The following ERC2 variants were observed in gnomAD, a reference collection of about 807,000 sequenced individuals.
The protein encoded by ERC2 is ERC protein 2.
A neutral mutation model predicts 114.8 loss-of-function variants in ERC2; 42 were observed. The ratio of observed to expected loss-of-function variants is 0.37; its 90% CI spans 0.29 to 0.47. The LOEUF (loss-of-function observed/expected upper bound fraction) is 0.47, where lower values mean the gene tolerates loss of function less well. Among genes scored for constraint, ERC2 ranks in the 20% least tolerant of loss-of-function variants. The pLI, the probability that ERC2 is intolerant of heterozygous loss-of-function variation, is 0.99. For missense variants in ERC2, 939 were observed against 1,150.7 expected, an observed-to-expected ratio of 0.82 and a Z score of 2.66; for synonymous variants, 454 against 425.5, an observed-to-expected ratio of 1.07 and a Z score of -0.82.
At chr3:56,096,504 T>G (rs1331348150) in intron 6 of ERC2, among the ~76,000 whole-genome samples, 1 of 152,056 alleles carries the variant, frequency 6.6e-6, no homozygotes, top group East Asian at 1.9e-4. Context: ...GAGAATGTGG[T>G]ATGAAGCAAA....
chr3:55,552,345 T>A (rs17263672), intron 17 of ERC2, among the ~76,000 whole-genome samples: 4,053 of 152,168 alleles, frequency 0.027, 75 homozygotes, highest in South Asian at 0.072. Flanking sequence ...GGCCATACAT[T>A]GTTTTCATTT....
intron 17 of ERC2, among the ~76,000 whole-genome samples, chr3:55,644,223 C>A (rs1361223582): frequency 2.0e-5 from 3 of 152,252 alleles, no homozygotes; most frequent in African/African-American, 7.2e-5. Context: ...AATAGTCGCA[C>A]TCTCTTCAAC....
intron 2 of ERC2, among the ~76,000 whole-genome samples, chr3:56,399,154 A>ATTGAATT (rs1345337246): frequency 1.3e-5 from 2 of 152,234 alleles, no homozygotes; most frequent in Non-Finnish European, 2.9e-5. Context: ...TGCTTAATGA[A>ATTGAATT]TTGAATTTTT....
intron 2 of ERC2, among the ~76,000 whole-genome samples, chr3:56,348,834 C>T (rs938258172): frequency 1.4e-4 from 20 of 146,470 alleles, no homozygotes; most frequent in Admixed American, 9.1e-4. Context: ...ATTCTTTACC[C>T]TACCACTTTT....
intron 13 of ERC2, among the ~76,000 whole-genome samples, chr3:55,896,064 G>T (rs537872975): frequency 6.6e-6 from 1 of 152,086 alleles, no homozygotes; most frequent in Admixed American, 6.5e-5. Flanking sequence ...TGTGGCTTTT[G>T]GTCCTGCTAT....
At chr3:55,632,176 C>T (rs546700364) in intron 17 of ERC2, among the ~76,000 whole-genome samples, 1 of 152,214 alleles carries the variant, frequency 6.6e-6, no homozygotes, top group Non-Finnish European at 1.5e-5. Flanking sequence ...TGCACACCAG[C>T]AGGGGAAGTC....
chr3:56,375,703 C>G (rs1412689280), intron 2 of ERC2, among the ~76,000 whole-genome samples: 2 of 152,184 alleles, frequency 1.3e-5, no homozygotes, highest in African/African-American at 2.4e-5. Context: ...GTAAATTGTT[C>G]CTAATACTCT....
chr3:55,618,910 G>A (rs1337547900), intron 17 of ERC2, among the ~76,000 whole-genome samples: 1 of 152,194 alleles, frequency 6.6e-6, no homozygotes, highest in Admixed American at 6.5e-5. Context: ...CTTTCTCGAG[G>A]AGGCAGGAGT....
intron 17 of ERC2, among the ~76,000 whole-genome samples, chr3:55,581,160 T>A (rs2057242018): frequency 6.6e-6 from 1 of 152,176 alleles, no homozygotes; most frequent in Non-Finnish European, 1.5e-5. Flanking sequence ...AGTTTTAGGA[T>A]GAGCATCTCA....
chr3:55,676,321 C>T (rs1293464014), intron 17 of ERC2, among the ~76,000 whole-genome samples: 2 of 151,962 alleles, frequency 1.3e-5, no homozygotes, highest in Non-Finnish European at 2.9e-5. Flanking sequence ...CATAAGATCA[C>T]GCATGTCTCT....
intron 13 of ERC2, among the ~76,000 whole-genome samples, chr3:55,926,824 A>G (rs900234142): frequency 6.6e-6 from 1 of 152,164 alleles, no homozygotes; most frequent in African/African-American, 2.4e-5. Context: ...AGGCAAATCT[A>G]TGAAGATGGG....
chr3:56,058,322 G>T (rs2076100060), intron 7 of ERC2, among the ~76,000 whole-genome samples: 1 of 152,156 alleles, frequency 6.6e-6, no homozygotes, highest in African/African-American at 2.4e-5. Flanking sequence ...AAGTTGAGAG[G>T]TTGGAAAAGC....
chr3:56,338,240 T>C (rs1438709958), intron 2 of ERC2, among the ~76,000 whole-genome samples: 1 of 152,222 alleles, frequency 6.6e-6, no homozygotes, highest in Non-Finnish European at 1.5e-5. Flanking sequence ...TACATGTGTA[T>C]TGTATTGATT....
At chr3:56,322,653 A>G (rs1328855814) in intron 2 of ERC2, among the ~76,000 whole-genome samples, 6 of 151,956 alleles carry the variant, frequency 3.9e-5, no homozygotes, top group African/African-American at 1.5e-4. Context: ...GAGCATTATA[A>G]CTGTCCCAGC....
intron 17 of ERC2, among the ~76,000 whole-genome samples, chr3:55,551,970 G>C (rs1046591366): frequency 6.6e-6 from 1 of 152,072 alleles, no homozygotes; most frequent in East Asian, 1.9e-4. Flanking sequence ...TTTTCTGTTG[G>C]TGAAGTGTTT....
At chr3:56,433,805 T>C (rs2061897992) in intron 2 of ERC2, 1 of 156,304 alleles carries the variant, frequency 6.4e-6, no homozygotes, top group African/African-American at 2.4e-5. Flanking sequence ...TAAAAATTTA[T>C]TGTGTATCTC....
chr3:55,844,510 G>A (rs2061269778), intron 14 of ERC2, among the ~76,000 whole-genome samples: 1 of 152,170 alleles, frequency 6.6e-6, no homozygotes, highest in East Asian at 1.9e-4. Context: ...TCTATGGTGT[G>A]AGAAATCATA....
intron 16 of ERC2, among the ~76,000 whole-genome samples, chr3:55,691,573 AATATATATATAT>A (rs1292437178): frequency 7.0e-4 from 28 of 39,746 alleles, no homozygotes; most frequent in African/African-American, 2.4e-3. Context: ...AAAAAAAAAA[AATATATATATAT>A]ATATATATAT....
intron 14 of ERC2, among the ~76,000 whole-genome samples, chr3:55,819,002 G>A (rs992019249): frequency 6.6e-6 from 1 of 152,204 alleles, no homozygotes. Flanking sequence ...TGGCACTGGT[G>A]CAAGCTAGTG....
Sources: gnomAD v4.1 joint callset for allele counts (sites outside exome capture counted in the v4.1 genomes callset) on GRCh38, gnomAD v4.1.1 for gene constraint, MANE v1.5 for transcripts, NCBI Gene and HGNC (gene_info 2026-07-23, HGNC 2026-07-21) for gene names.